Variants in GLDN observed in about 807,000 individuals in gnomAD.
GLDN encodes gliomedin.
GLDN carries 47 observed loss-of-function variants against 56.5 expected under a neutral mutation model. That is an observed-to-expected ratio of 0.83 (90% CI 0.66 to 1.06). GLDN has a LOEUF of 1.06. Ranked by LOEUF, GLDN falls within the 50% of genes least tolerant of loss-of-function variation. The pLI, the probability that GLDN is intolerant of heterozygous loss-of-function variation, is 0.00. For synonymous variants in GLDN, 332 were observed against 278.8 expected (o/e 1.19, Z -1.90); for missense variants, 782 against 714.3 (o/e 1.09, Z -1.08).
chr15:51,359,978 CAA>C (rs58874237), intron 1 of GLDN, among the ~76,000 whole-genome samples: 23 of 92,666 alleles, frequency 2.5e-4, no homozygotes, highest in Admixed American at 3.8e-4. Flanking sequence ...GACTCTGTCT[CAA>C]AAAAAAAAAA....
intron 2 of GLDN, among the ~76,000 whole-genome samples, chr15:51,382,882 A>G (rs2037797714): frequency 6.6e-6 from 1 of 152,202 alleles, no homozygotes; most frequent in South Asian, 2.1e-4. Context: ...ATCCTTGAGT[A>G]ATTACATGCT....
At chr15:51,393,647 C>T (rs1047808087) in intron 4 of GLDN, among the ~76,000 whole-genome samples, 1 of 152,202 alleles carries the variant, frequency 6.6e-6, no homozygotes, top group African/African-American at 2.4e-5. Flanking sequence ...CTAGCCGTCT[C>T]CTTCTCCCCA....
chr15:51,388,276 A>G (rs763299556), intron 4 of GLDN, among the ~76,000 whole-genome samples: 3 of 152,144 alleles, frequency 2.0e-5, no homozygotes, highest in Non-Finnish European at 4.4e-5. Context: ...TGACTCCCCA[A>G]GTGGGATCAA....
chr15:51,373,545 G>A (rs2037559051), intron 1 of GLDN, among the ~76,000 whole-genome samples: 1 of 152,238 alleles, frequency 6.6e-6, no homozygotes, highest in South Asian at 2.1e-4. Context: ...GGCCAGATGA[G>A]GTGATGGGGA....
At chr15:51,402,015 C>A (rs956624064) in intron 9 of GLDN, among the ~76,000 whole-genome samples, 1 of 152,226 alleles carries the variant, frequency 6.6e-6, no homozygotes, top group East Asian at 1.9e-4. Flanking sequence ...GGAGTGGTGA[C>A]GGCCGCAGCT....
At position 51,341,737 on chromosome 15, in the gene GLDN, G is replaced by A; in HGVS notation, c.53G>A (p.Gly18Asp). ...GGGGACGCGGGTTGGGGCCTGCGTG[G>A]CGCCCTGGCGGCCGTGGCGCTGCTC... ...GRGDAGWGLR[G>D]ALAAVALLSA... Residue 18 changes from glycine to aspartate, a missense_variant, in exon 1 of 10, where the codon GGC becomes GAC. By Grantham distance (94) the Gly-to-Asp change is moderately conservative (BLOSUM62 -1). Coordinates refer to ENST00000335449, the MANE Select transcript of GLDN (RefSeq NM_181789.4). 1 of 1,459,658 alleles carries A rather than the reference G, an allele frequency of 6.9e-7. No individual in the cohort carries two copies. Among genetic ancestry groups the A allele is most frequent in the South Asian group, 1.4e-5 (1 of 71,836 alleles). 90.4% of individuals were successfully genotyped at this position (1,459,658 alleles called of 1,614,324 possible).
intron 1 of GLDN, among the ~76,000 whole-genome samples, chr15:51,359,742 C>T (rs112738916): frequency 0.035 from 5,339 of 151,984 alleles, 333 homozygotes; most frequent in African/African-American, 0.12. Context: ...TTTGGGAGGC[C>T]GAGGAGGGCG....
At chr15:51,396,980 G>C (rs928914167) in intron 5 of GLDN, among the ~76,000 whole-genome samples, 2 of 152,192 alleles carry the variant, frequency 1.3e-5, no homozygotes, top group African/African-American at 4.8e-5. Context: ...TACACATCCA[G>C]AGTACCATGT....
At position 51,406,858 on chromosome 15, in the gene GLDN, C is replaced by G. The variant is rs542789103; in HGVS notation, c.*2104C>G. On this transcript the variant is annotated 3_prime_UTR_variant, in exon 10 of 10. Coordinates refer to ENST00000335449, the MANE Select transcript of GLDN (RefSeq NM_181789.4). ...AGATTCACGTTCTCTAACAAAGAGT[C>G]TCATGTTCAAGATCAATATGTCTAA... 1 of 152,272 alleles carries G rather than the reference C, an allele frequency of 6.6e-6. No homozygotes were observed. The highest frequency in any genetic ancestry group is 2.4e-5 in the African/African-American group (1 of 41,530). The allele number at this position is 152,272 out of a possible 1,614,324, so 9.4% of individuals were successfully genotyped here.
rs142853618 is a variant in GLDN at position 51,400,217 on chromosome 15, T to C, written c.843T>C (p.Asp281=). ...GTGAGACTTGTGCCATACCAAATGA[T>C]GATACCTTGGTTGGAAAAGCTGATG... ...CPGETCAIPN[D]DTLVGKADEK... is the part of the protein sequence containing the mutation. Residue 281 remains aspartate, a synonymous_variant, in exon 7 of 10, where the codon GAT becomes GAC. Coordinates refer to ENST00000335449, the MANE Select transcript of GLDN (RefSeq NM_181789.4). 720 of 1,614,088 alleles carry C rather than the reference T, an allele frequency of 4.5e-4. 2 individuals carry two copies. Among genetic ancestry groups the C allele is most frequent in the Non-Finnish European group, 5.7e-4 (672 of 1,180,020 alleles).
chr15:51,364,279 T>C (rs948630006), intron 1 of GLDN, among the ~76,000 whole-genome samples: 1 of 152,242 alleles, frequency 6.6e-6, no homozygotes, highest in African/African-American at 2.4e-5. Context: ...TTCTTCTCCA[T>C]GTGTTTCATT....
chr15:51,374,609 A>G (rs1033753288), intron 1 of GLDN, among the ~76,000 whole-genome samples: 6 of 152,076 alleles, frequency 3.9e-5, no homozygotes, highest in African/African-American at 7.2e-5. Flanking sequence ...TCAGAGAGCT[A>G]TTGGGGGTGA....
intron 5 of GLDN, among the ~76,000 whole-genome samples, chr15:51,395,527 A>G (rs1485790323): frequency 2.0e-5 from 3 of 152,188 alleles, no homozygotes; most frequent in African/African-American, 7.2e-5. Context: ...TGGGGGCTTC[A>G]TAGAGAGGAG....
Position 51,406,872 on chromosome 15 carries a change from C to T in GLDN, c.*2118C>T, listed in dbSNP as rs2038394917. On this transcript the variant is annotated 3_prime_UTR_variant, in exon 10 of 10. Transcript: ENST00000335449. ...TAACAAAGAGTCTCATGTTCAAGAT[C>T]AATATGTCTAATAAGTGCTGGTGTC... The T allele has an allele frequency of 6.6e-6, 1 of 152,146 alleles. No homozygotes were observed. Among genetic ancestry groups the T allele is most frequent in the Non-Finnish European group, 1.5e-5 (1 of 68,024 alleles). 9.4% of individuals were successfully genotyped at this position (152,146 alleles called of 1,614,324 possible).
chr15:51,375,174 T>G (rs531123635), intron 1 of GLDN, among the ~76,000 whole-genome samples: 3 of 152,222 alleles, frequency 2.0e-5, no homozygotes, highest in Non-Finnish European at 4.4e-5. Flanking sequence ...CTAGATACAA[T>G]ACAAAAATTA....
intron 1 of GLDN, among the ~76,000 whole-genome samples, chr15:51,351,461 C>G (rs1180709397): frequency 6.6e-6 from 1 of 152,170 alleles, no homozygotes; most frequent in African/African-American, 2.4e-5. Flanking sequence ...CAGCAGTACC[C>G]TGTGATCAGC....
At position 51,401,734 on chromosome 15, in the gene GLDN, C is replaced by A. The variant is rs770281444; in HGVS notation, c.1169C>A (p.Thr390Asn). 4 of 1,613,366 alleles carry A rather than the reference C, an allele frequency of 2.5e-6. No individual in the cohort carries two copies. In the East Asian group the frequency reaches 8.9e-5, roughly 36 times the overall value. ...SLYYHKGGSN[T>N]LVRFEFGQET... ...TACTACCACAAAGGGGGTTCTAATA[C>A]CCTAGTGAGGTAAGTCGCACCACAG... The change falls in exon 9 of 10, where the codon ACC becomes AAC. Residue 390 changes from threonine (T) to asparagine (N), a missense_variant. Transcript: ENST00000335449.
At chr15:51,348,319 AT>A (rs1434539794) in intron 1 of GLDN, among the ~76,000 whole-genome samples, 1 of 144,432 alleles carries the variant, frequency 6.9e-6, no homozygotes, top group Non-Finnish European at 1.5e-5. Flanking sequence ...TTTCTTTTTT[AT>A]TTTTTTATTT....
intron 2 of GLDN, among the ~76,000 whole-genome samples, chr15:51,380,763 T>C (rs964439774): frequency 2.0e-5 from 3 of 152,130 alleles, no homozygotes; most frequent in African/African-American, 7.2e-5. Context: ...AGGTGGGGTG[T>C]GGCCCTCCCG....
Sources: allele counts gnomAD v4.1 joint callset (sites outside exome capture counted in the v4.1 genomes callset), GRCh38; gene constraint gnomAD v4.1.1; transcripts MANE v1.5; gene names NCBI Gene and HGNC (gene_info 2026-07-23, HGNC 2026-07-21).